Variants in XYLB observed in about 807,000 individuals in gnomAD.
XYLB encodes xylulokinase.
XYLB carries 62 observed loss-of-function variants against 78.7 expected under a neutral mutation model. The observed-to-expected ratio is 0.79, with a 90% CI of 0.64 to 0.97. XYLB has a LOEUF of 0.97. XYLB is among the 50% of genes least tolerant of loss of function. The probability of loss-of-function intolerance (pLI) is 0.00; values close to 1 mark genes in which losing one functional copy is unlikely to be tolerated. For missense variants in XYLB, 687 were observed against 676.8 expected, an observed-to-expected ratio of 1.02 and a Z score of -0.17; for synonymous variants, 245 against 247.4, an observed-to-expected ratio of 0.99 and a Z score of 0.09.
intron 14 of XYLB, among the ~76,000 whole-genome samples, chr3:38,378,969 T>C (rs1223289247): frequency 1.3e-5 from 2 of 151,778 alleles, no homozygotes; most frequent in Non-Finnish European, 2.9e-5. Context: ...CAGAGCTGAA[T>C]GGTAGACAGA....
At chr3:38,426,761 T>C in the XYLB span, among the ~76,000 whole-genome samples, 1 of 152,170 alleles carries the variant, frequency 6.6e-6, no homozygotes, top group African/African-American at 2.4e-5. Flanking sequence ...GTGGGACACG[T>C]TGGTAGCAAT....
At chr3:38,376,575 A>G (rs1465536833) in intron 13 of XYLB, among the ~76,000 whole-genome samples, 1 of 152,182 alleles carries the variant, frequency 6.6e-6, no homozygotes, top group Non-Finnish European at 1.5e-5. Context: ...GCACAAGGAA[A>G]AGTCCCCAGT....
chr3:38,391,540 AG>A (rs1227478457), intron 15 of XYLB, among the ~76,000 whole-genome samples: 18 of 152,200 alleles, frequency 1.2e-4, no homozygotes, highest in African/African-American at 4.3e-4. Context: ...GATAGCTATT[AG>A]CTGTTAATTT....
the XYLB span, among the ~76,000 whole-genome samples, chr3:38,430,025 T>C: frequency 4.6e-5 from 7 of 152,340 alleles, no homozygotes; most frequent in Middle Eastern, 3.4e-3. Context: ...TATGTGTTCG[T>C]GTGTCTTTAT....
chr3:38,444,182 C>G, the XYLB span, among the ~76,000 whole-genome samples: 1 of 152,186 alleles, frequency 6.6e-6, no homozygotes, highest in East Asian at 1.9e-4. Context: ...ATATACCTAT[C>G]AAGATCATCT....
rs778178781 is a variant in XYLB at position 38,365,754 on chromosome 3, G to T, written c.507+18G>T. On this transcript the variant is annotated intron_variant, in intron 6 of 18. Coordinates refer to ENST00000207870, the MANE Select transcript of XYLB (RefSeq NM_005108.4). ...CCTATGAGGTAGGCTGAGGATGCGGGGGGTGCAGGGGGTGGTCTGGTTGCA... is the reference window on the plus strand; with the variant it reads ...CCTATGAGGTAGGCTGAGGATGCGGTGGGTGCAGGGGGTGGTCTGGTTGCA... 1.9e-6 allele frequency: 3 copies of T among 1,601,590 alleles called. No individual in the cohort carries two copies. The highest frequency in any genetic ancestry group is 2.2e-5 in the South Asian group (2 of 89,840).
chr3:38,346,840 G>A lies in XYLB; in HGVS notation c.-29G>A, dbSNP rs373383884. 3.5e-5 allele frequency: 52 copies of A among 1,494,456 alleles called. No homozygotes were observed. The East Asian group carries it at 8.6e-4, about 25-fold the overall frequency. 92.6% of individuals were successfully genotyped at this position (1,494,456 alleles called of 1,614,324 possible). On this transcript the variant is annotated 5_prime_UTR_variant, in exon 1 of 19. Transcript: ENST00000207870. ...ACGCCGCGTGGCGGACGGACGGACT[G>A]ACGGACGCGCAGCCTTACCCGAAAG...
At chr3:38,407,480 A>G (rs1309390175) in intron 18 of XYLB, among the ~76,000 whole-genome samples, 4 of 151,882 alleles carry the variant, frequency 2.6e-5, no homozygotes, top group African/African-American at 4.8e-5. Flanking sequence ...ATCAACTAAC[A>G]AGCAAAATAA....
At chr3:38,380,656 G>A (rs1207897948) in intron 15 of XYLB, among the ~76,000 whole-genome samples, 2 of 152,102 alleles carry the variant, frequency 1.3e-5, no homozygotes, top group African/African-American at 2.4e-5. Context: ...CTGAATATAC[G>A]CCTACCCAGC....
chr3:38,347,161 T>G (rs965813307), intron 1 of XYLB, among the ~76,000 whole-genome samples: 4 of 152,300 alleles, frequency 2.6e-5, no homozygotes, highest in Admixed American at 6.5e-5. Flanking sequence ...CGACCCCGCC[T>G]GGACCCAGCT....
intron 8 of XYLB, 113 bp downstream of exon 8, chr3:38,368,370 A>T: frequency 1.1e-6 from 1 of 910,004 alleles, no homozygotes; most frequent in Admixed American, 1.9e-5. Flanking sequence ...TAGCCCTGTC[A>T]TCTGTTGCCA....
chr3:38,366,956 G>C, intron 7 of XYLB, 83 bp downstream of exon 7: 1 of 965,176 alleles, frequency 1.0e-6, no homozygotes, highest in East Asian at 2.5e-5. Flanking sequence ...CTTACGTGCA[G>C]TGACTGAAAA....
chr3:38,434,790 CAAT>C, the XYLB span, among the ~76,000 whole-genome samples: 1 of 152,152 alleles, frequency 6.6e-6, no homozygotes, highest in East Asian at 1.9e-4. Context: ...CCTCATATAT[CAAT>C]AATAACCTTG....
chr3:38,445,157 A>C, the XYLB span, among the ~76,000 whole-genome samples: 1 of 152,094 alleles, frequency 6.6e-6, no homozygotes, highest in Non-Finnish European at 1.5e-5. Context: ...ACCCTGAGGG[A>C]GGGAAGAGAT....
chr3:38,447,860 A>G, the XYLB span, among the ~76,000 whole-genome samples: 1 of 152,218 alleles, frequency 6.6e-6, no homozygotes, highest in Non-Finnish European at 1.5e-5. Flanking sequence ...GCATTCATCA[A>G]CGGATGAACA....
intron 18 of XYLB, 57 bp from the exon 19 acceptor site, chr3:38,412,879 C>A: frequency 6.9e-7 from 1 of 1,458,976 alleles, no homozygotes; most frequent in South Asian, 1.3e-5. Flanking sequence ...CAAAGTGCAA[C>A]CAGATGTAAG....
chr3:38,412,367 T>G (rs372982346), intron 18 of XYLB, among the ~76,000 whole-genome samples: 3 of 152,190 alleles, frequency 2.0e-5, no homozygotes, highest in South Asian at 2.1e-4. Context: ...CTGTGTGAAC[T>G]GCTGTATGGA....
At chr3:38,388,169 G>GTTTTTTTTTTTTTT (rs71085320) in intron 15 of XYLB, among the ~76,000 whole-genome samples, 13 of 109,234 alleles carry the variant, frequency 1.2e-4, no homozygotes, top group African/African-American at 4.2e-4. Flanking sequence ...GTTTTTTTTT[G>GTTTTTTTTTTTTTT]TTTTTTTTTT....
In XYLB at chr3:38,413,124, A is replaced by G. The variant is rs1708666074; in HGVS notation, c.*111A>G. On this transcript the variant is annotated 3_prime_UTR_variant, in exon 19 of 19. Transcript: ENST00000207870. The stretch of plus-strand genomic sequence containing the variant: ...GTTCTGAACAGCTCTTCCTGCCCCT[A>G]CTGACTCCTTGGAGTGTCCAGGACC... 2.7e-6 allele frequency: 3 copies of G among 1,097,116 alleles called. No individual in the cohort carries two copies. Among genetic ancestry groups the G allele is most frequent in the South Asian group, 1.7e-5 (1 of 57,174 alleles). 68.0% of individuals were successfully genotyped at this position (1,097,116 alleles called of 1,614,324 possible).
Sources: allele counts gnomAD v4.1 joint callset (sites outside exome capture counted in the v4.1 genomes callset), GRCh38; gene constraint gnomAD v4.1.1; transcripts MANE v1.5; gene names NCBI Gene and HGNC (gene_info 2026-07-23, HGNC 2026-07-21).